OPCML: variants seen among roughly 807,000 people sequenced by gnomAD.
The protein encoded by OPCML is opioid-binding protein/cell adhesion molecule.
A neutral mutation model predicts 37.8 loss-of-function variants in OPCML; 13 were observed. The observed-to-expected ratio is 0.34, with a 90% CI of 0.22 to 0.55. OPCML has a LOEUF of 0.55. Among genes scored for constraint, OPCML ranks in the 20% least tolerant of loss-of-function variants. OPCML has a pLI of 0.91. For synonymous variants in OPCML, 176 were observed against 168.8 expected, an observed-to-expected ratio of 1.04 and a Z score of -0.33; for missense variants, 341 against 435.6, an observed-to-expected ratio of 0.78 and a Z score of 1.93.
At chr11:132,714,317 A>G (rs999907443) in intron 2 of OPCML, among the ~76,000 whole-genome samples, 10 of 152,252 alleles carry the variant, frequency 6.6e-5, no homozygotes, top group Admixed American at 6.5e-4. Context: ...TATTGGACAT[A>G]CTGTAATGCC....
At chr11:132,932,691 TTATA>T (rs3077742) in intron 2 of OPCML, among the ~76,000 whole-genome samples, 26,168 of 143,552 alleles carry the variant, frequency 0.18, 2,538 homozygotes, top group African/African-American at 0.24. Flanking sequence ...TATATATATA[TTATA>T]TATATATATA....
At chr11:133,164,856 C>G (rs1950188730) in intron 1 of OPCML, among the ~76,000 whole-genome samples, 1 of 152,194 alleles carries the variant, frequency 6.6e-6, no homozygotes, top group African/African-American at 2.4e-5. Context: ...GAATTCCAAA[C>G]CAAACTGCAT....
chr11:132,823,376 C>T (rs1485238175), intron 2 of OPCML, among the ~76,000 whole-genome samples: 2 of 152,172 alleles, frequency 1.3e-5, no homozygotes, highest in South Asian at 4.1e-4. Flanking sequence ...ACACCCCTTC[C>T]TCCCACTTGC....
intron 1 of OPCML, among the ~76,000 whole-genome samples, chr11:133,201,499 G>A (rs1014016317): frequency 3.9e-5 from 6 of 152,120 alleles, no homozygotes; most frequent in Admixed American, 6.5e-5. Flanking sequence ...GAGATAAATT[G>A]GGGAGCCATA....
Position 133,161,290 on chromosome 11 carries a change from A to C in OPCML, c.62-218280T>G, listed in dbSNP as rs540395844. On this transcript the variant is annotated intron_variant, in intron 1 of 7. Coordinates refer to ENST00000524381, the MANE Select transcript of OPCML (RefSeq NM_001012393.5). ...AAAGTTCAGTAATTCAACAGAGGAG[A>C]TATCGAGTGGCATGAGTGTTATTGG... Among the ~76,000 whole-genome samples, 10 of 152,330 alleles carry C rather than the reference A, an allele frequency of 6.6e-5. No individual in the cohort carries two copies. In the South Asian group the frequency reaches 2.1e-3, roughly 32 times the overall value.
At chr11:133,239,105 G>A (rs1185565348) in intron 1 of OPCML, among the ~76,000 whole-genome samples, 1 of 152,212 alleles carries the variant, frequency 6.6e-6, no homozygotes, top group Admixed American at 6.5e-5. Flanking sequence ...TCACAGGTGT[G>A]CAGGGGAAGG....
rs564496687 is a variant in OPCML at position 132,748,576 on chromosome 11, G to A, written c.147-91257C>T. Among the ~76,000 whole-genome samples the A allele has an allele frequency of 2.0e-5, 3 of 152,304 alleles. No individual in the cohort carries two copies. In the South Asian group the frequency reaches 6.2e-4, roughly 32 times the overall value. On this transcript the variant is annotated intron_variant, in intron 2 of 7. Coordinates refer to ENST00000524381, the MANE Select transcript of OPCML (RefSeq NM_001012393.5). ...TGGCCTGTGCTTGGACAGAAGCAAA[G>A]CCTGGGGAGGCTGGAAGGTGAGCGC...
At chr11:132,903,417 C>T (rs1486433970) in intron 2 of OPCML, among the ~76,000 whole-genome samples, 3 of 152,140 alleles carry the variant, frequency 2.0e-5, no homozygotes, top group Admixed American at 1.3e-4. Flanking sequence ...CTGTTGTAAA[C>T]CAAAAATAAA....
At chr11:132,428,286 C>A (rs888338315) in intron 7 of OPCML, among the ~76,000 whole-genome samples, 1 of 152,158 alleles carries the variant, frequency 6.6e-6, no homozygotes, top group African/African-American at 2.4e-5. Flanking sequence ...TTTGGCTTTT[C>A]TTTGGTTAGT....
chr11:132,660,922 G>C (rs61906420), intron 2 of OPCML, among the ~76,000 whole-genome samples: 2 of 152,190 alleles, frequency 1.3e-5, no homozygotes, highest in Admixed American at 6.5e-5. Context: ...TACTCAAGCA[G>C]ATCAACTTTA....
At chr11:132,555,408 C>T (rs779970927) in intron 3 of OPCML, among the ~76,000 whole-genome samples, 3 of 151,958 alleles carry the variant, frequency 2.0e-5, no homozygotes, top group Non-Finnish European at 4.4e-5. Context: ...CCTTATAAAA[C>T]CATCAGATCC....
chr11:133,259,804 G>A (rs1242411321), intron 1 of OPCML, among the ~76,000 whole-genome samples: 1 of 152,182 alleles, frequency 6.6e-6, no homozygotes, highest in Non-Finnish European at 1.5e-5. Context: ...AATGCTCTAT[G>A]CCCTGGGAAC....
intron 1 of OPCML, among the ~76,000 whole-genome samples, chr11:133,415,268 G>A (rs980413875): frequency 3.9e-5 from 6 of 151,930 alleles, no homozygotes; most frequent in African/African-American, 7.3e-5. Context: ...AAATTAGCCC[G>A]GCGTGGTGGC....
chr11:133,016,196 G>C (rs575759629), intron 1 of OPCML, among the ~76,000 whole-genome samples: 8 of 152,194 alleles, frequency 5.3e-5, no homozygotes, highest in Admixed American at 3.9e-4. Flanking sequence ...CAGAAGCCCC[G>C]TGGGCTCGGC....
chr11:132,492,603 G>A, intron 4 of OPCML, among the ~76,000 whole-genome samples: 1 of 152,110 alleles, frequency 6.6e-6, no homozygotes. Flanking sequence ...TTGATTTGGG[G>A]CATAGTAAGC....
At chr11:132,468,566 A>G (rs1390108291) in intron 4 of OPCML, among the ~76,000 whole-genome samples, 1 of 152,230 alleles carries the variant, frequency 6.6e-6, no homozygotes, top group Non-Finnish European at 1.5e-5. Flanking sequence ...TCAATGTTAA[A>G]AATCTTTAGC....
In OPCML at chr11:133,458,247, C is replaced by T. The variant is rs542074070; in HGVS notation, c.61+74017G>A. ...ATATACACGTGTGTGTATATATACA[C>T]ATATATATACACGTGTGTGTATATA... On this transcript the variant is annotated intron_variant, in intron 1 of 7. Coordinates refer to ENST00000524381, the MANE Select transcript of OPCML (RefSeq NM_001012393.5). 8.9e-4 allele frequency among the ~76,000 whole-genome samples: 63 copies of T among 70,724 alleles called. 6 individuals are homozygous for T. The highest frequency in any genetic ancestry group is 5.9e-3 in the South Asian group (16 of 2,698). The allele number at this position is 70,724 out of a possible 152,430, so 46.4% of individuals were successfully genotyped here.
chr11:132,883,376 A>T (rs1943289887), intron 2 of OPCML, among the ~76,000 whole-genome samples: 1 of 152,212 alleles, frequency 6.6e-6, no homozygotes, highest in Non-Finnish European at 1.5e-5. Context: ...AATTAGGAAC[A>T]CACCCGCAAG....
intron 1 of OPCML, among the ~76,000 whole-genome samples, chr11:133,114,415 C>T (rs773412578): frequency 8.5e-5 from 13 of 152,126 alleles, no homozygotes; most frequent in Non-Finnish European, 1.5e-4. Flanking sequence ...GCACTACCTT[C>T]AAGACATATT....
Sources: gnomAD v4.1 joint callset for allele counts (sites outside exome capture counted in the v4.1 genomes callset) on GRCh38, gnomAD v4.1.1 for gene constraint, MANE v1.5 for transcripts, NCBI Gene and HGNC (gene_info 2026-07-23, HGNC 2026-07-21) for gene names.